EFCC1: variants seen among roughly 807,000 people sequenced by gnomAD.
EFCC1 encodes EF-hand and coiled-coil domain containing 1, also known as EF-hand and coiled-coil domain-containing protein 1.
Under a neutral mutation model 52.1 loss-of-function variants are expected in EFCC1, and 50 were observed. That is an observed-to-expected ratio of 0.96 (90% CI 0.76 to 1.21). EFCC1 has a LOEUF of 1.21. Among genes scored for constraint, EFCC1 ranks in the 50% most tolerant of loss-of-function variants. EFCC1 has a pLI of 0.00. For synonymous variants in EFCC1, 399 were observed against 396.5 expected, an observed-to-expected ratio of 1.01 and a Z score of -0.08; for missense variants, 837 against 867.3, an observed-to-expected ratio of 0.97 and a Z score of 0.44.
In EFCC1 at chr3:129,039,734, C is replaced by T. The variant is rs1385755565; in HGVS notation, c.1686C>T (p.Ala562=). 6.2e-7 allele frequency: 1 copy of T among 1,608,048 alleles called. No individual in the cohort carries two copies. Among genetic ancestry groups the T allele is most frequent in the South Asian group, 1.1e-5 (1 of 90,528 alleles). The part of the protein sequence containing the change: ...PTHEGRPSPA[A]ILDALHQALA... ...CAGAGGGAAGGCCCAGCCCTGCAGC[C>T]ATCCTGGATGCCCTGCACCAAGCCT... Residue 562 remains alanine (A), a synonymous_variant, in exon 8 of 8, where the codon GCC becomes GCT. Coordinates refer to ENST00000683648, the MANE Select transcript of EFCC1 (RefSeq NM_001377500.1).
Position 129,003,921 on chromosome 3 carries a change from G to T in EFCC1, c.824G>T (p.Arg275Leu), listed in dbSNP as rs1299097117. ...AAAEARAGRL[R>L]RGQAEVRRRA... ...GCGGAGGCCCGCGCTGGGCGGCTGCGCCGTGGCCAGGCCGAGGTGCGGCGG... is the reference window on the plus strand; with the variant it reads ...GCGGAGGCCCGCGCTGGGCGGCTGCTCCGTGGCCAGGCCGAGGTGCGGCGG... The change falls in exon 2 of 8, where the codon CGC becomes CTC. Residue 275 changes from arginine (R) to leucine (L), a missense_variant. By Grantham distance (102) the Arg-to-Leu change is moderately radical. Coordinates refer to ENST00000683648, the MANE Select transcript of EFCC1 (RefSeq NM_001377500.1). The T allele has an allele frequency of 1.5e-6, 2 of 1,367,812 alleles. No homozygotes were observed. The highest frequency in any genetic ancestry group is 6.3e-5 in the East Asian group (2 of 31,572). The allele number at this position is 1,367,812 out of a possible 1,614,324, so 84.7% of individuals were successfully genotyped here. A position where few individuals can be genotyped will look rare whatever the true frequency, so the allele number is the denominator to read the frequency against.
intron 2 of EFCC1, among the ~76,000 whole-genome samples, chr3:129,016,788 G>A (rs1032850587): frequency 6.6e-6 from 1 of 152,146 alleles, no homozygotes; most frequent in Non-Finnish European, 1.5e-5. Context: ...AGCACTCACT[G>A]GGTGTTAGGC....
chr3:129,001,835 C>T lies in EFCC1; in HGVS notation c.207C>T (p.Arg69=), dbSNP rs1944777248. 6 of 1,545,556 alleles carry T rather than the reference C, an allele frequency of 3.9e-6. No homozygotes were observed. Among genetic ancestry groups the T allele is most frequent in the Non-Finnish European group, 5.2e-6 (6 of 1,145,652 alleles). ...LQEVFHHLDC[R]GAGRLPRADF... ...AGGTCTTCCACCACCTGGACTGCCG[C>T]GGCGCCGGCCGTCTGCCCCGCGCCG... Residue 69 remains arginine (R), a synonymous_variant, in exon 1 of 8, where the codon CGC becomes CGT. Transcript: ENST00000683648.
intron 1 of EFCC1, chr3:129,003,264 G>A (rs1944884652): frequency 1.0e-6 from 1 of 985,372 alleles, no homozygotes; most frequent in Non-Finnish European, 1.2e-6. Context: ...GCGCCTGAAC[G>A]GTCTTCCGGC....
At chr3:129,025,976 C>T (rs968513733) in intron 2 of EFCC1, among the ~76,000 whole-genome samples, 6 of 152,220 alleles carry the variant, frequency 3.9e-5, no homozygotes, top group African/African-American at 1.4e-4. Flanking sequence ...GGGCCTGGAG[C>T]CTCCCGCCTG....
intron 2 of EFCC1, among the ~76,000 whole-genome samples, chr3:129,026,352 T>A (rs918381275): frequency 6.6e-6 from 1 of 151,934 alleles, no homozygotes; most frequent in African/African-American, 2.4e-5. Context: ...CTTAAATGAT[T>A]TAGGGAATAG....
intron 5 of EFCC1, among the ~76,000 whole-genome samples, chr3:129,035,513 CAG>C (rs957331488): frequency 1.3e-5 from 2 of 152,240 alleles, no homozygotes; most frequent in Non-Finnish European, 2.9e-5. Flanking sequence ...GAGACCAAGA[CAG>C]AAGGTAGCAG....
chr3:129,019,988 C>T (rs1287558985), intron 2 of EFCC1, among the ~76,000 whole-genome samples: 1 of 151,876 alleles, frequency 6.6e-6, no homozygotes, highest in Non-Finnish European at 1.5e-5. Context: ...AGGCTGGTCT[C>T]GAACTCCTGA....
At chr3:129,029,558 T>G (rs1576777636) in intron 2 of EFCC1, among the ~76,000 whole-genome samples, 1 of 149,098 alleles carries the variant, frequency 6.7e-6, no homozygotes, top group East Asian at 1.9e-4. Flanking sequence ...GGCAACACAG[T>G]GAGATTCTGT....
chr3:129,034,451 G>A (rs1156894738), intron 5 of EFCC1, 122 bp downstream of exon 5: 1 of 1,119,354 alleles, frequency 8.9e-7, no homozygotes, highest in Non-Finnish European at 1.2e-6. Flanking sequence ...AAGGCCCAGA[G>A]GGAGGTGATT....
At chr3:129,027,637 C>T (rs2107930671) in intron 2 of EFCC1, among the ~76,000 whole-genome samples, 1 of 152,288 alleles carries the variant, frequency 6.6e-6, no homozygotes, top group Admixed American at 6.5e-5. Flanking sequence ...GAAGTCCACT[C>T]AGCGAGTCCA....
At chr3:129,032,368 C>G (rs978449883) in intron 3 of EFCC1, among the ~76,000 whole-genome samples, 14 of 151,982 alleles carry the variant, frequency 9.2e-5, no homozygotes, top group African/African-American at 3.4e-4. Context: ...AGGGAAGAAG[C>G]CAGGCACGGT....
intron 2 of EFCC1, among the ~76,000 whole-genome samples, chr3:129,015,413 C>T (rs116424588): frequency 9.9e-5 from 15 of 152,016 alleles, no homozygotes; most frequent in Admixed American, 6.5e-4. Flanking sequence ...TTGAGGTCTG[C>T]TCCTTCGGGG....
At chr3:129,025,884 C>T (rs2107926524) in intron 2 of EFCC1, among the ~76,000 whole-genome samples, 1 of 152,352 alleles carries the variant, frequency 6.6e-6, no homozygotes. Flanking sequence ...CTGCCTGTGA[C>T]CTGGAGTTAC....
intron 6 of EFCC1, among the ~76,000 whole-genome samples, chr3:129,038,350 C>G (rs1222553490): frequency 6.6e-6 from 1 of 152,212 alleles, no homozygotes; most frequent in African/African-American, 2.4e-5. Context: ...CCCAGGCAGG[C>G]AAGGGCAGTG....
At chr3:129,028,314 C>T (rs887724867) in intron 2 of EFCC1, among the ~76,000 whole-genome samples, 5 of 151,938 alleles carry the variant, frequency 3.3e-5, no homozygotes, top group African/African-American at 1.2e-4. Context: ...TAACTCCTGA[C>T]CTCAAGTGAT....
intron 2 of EFCC1, among the ~76,000 whole-genome samples, chr3:129,011,925 T>C (rs1316454485): frequency 6.6e-6 from 1 of 152,158 alleles, no homozygotes; most frequent in Non-Finnish European, 1.5e-5. Context: ...TAGACAGGGA[T>C]GGTAATCTGC....
In EFCC1 at chr3:129,003,940, G is replaced by A; in HGVS notation, c.843G>A (p.Val281=). 3 of 1,403,200 alleles carry A rather than the reference G, an allele frequency of 2.1e-6. No individual in the cohort carries two copies. Among genetic ancestry groups the A allele is most frequent in the Non-Finnish European group, 2.8e-6 (3 of 1,082,552 alleles). 86.9% of individuals were successfully genotyped at this position (1,403,200 alleles called of 1,614,324 possible). A position where few individuals can be genotyped will look rare whatever the true frequency, so the allele number is the denominator to read the frequency against. Residue 281 remains valine (V), a synonymous_variant, in exon 2 of 8, where the codon GTG becomes GTA. Transcript: ENST00000683648. ...AGRLRRGQAE[V]RRRAEEARQV... is the part of the protein sequence containing the mutation. ...GGCTGCGCCGTGGCCAGGCCGAGGT[G>A]CGGCGGCGCGCGGAGGAGGCCCGGC...
Position 129,014,840 on chromosome 3 carries a change from CGAGGGGCCAGTGAG to C in EFCC1, c.980+10782_980+10795del, listed in dbSNP as rs1373956748. 4.6e-5 allele frequency among the ~76,000 whole-genome samples: 7 copies of C among 152,088 alleles called. No individual in the cohort carries two copies. The highest frequency in any genetic ancestry group is 7.2e-5 in the African/African-American group (3 of 41,394). On this transcript the variant is annotated intron_variant, in intron 2 of 7. Transcript: ENST00000683648. This position sits in a 1 kb window ranked among gnomAD's most constrained non-coding sequence, Gnocchi z 4.3. ...AGCAGGTTGGAGCCAGCCTGGATGCCGAGGGGCCAGTGAGGAGGGGCCAGTGAGGAGGAGCAGGT... is the reference window on the plus strand; with the variant it reads ...AGCAGGTTGGAGCCAGCCTGGATGCCGAGGGGCCAGTGAGGAGGAGCAGGT...
Sources: allele counts gnomAD v4.1 joint callset (sites outside exome capture counted in the v4.1 genomes callset), GRCh38; gene constraint gnomAD v4.1.1; non-coding constraint Gnocchi (gnomAD v3.1); transcripts MANE v1.5; gene names NCBI Gene and HGNC (gene_info 2026-07-23, HGNC 2026-07-21).